ERLIN1: variants seen among roughly 807,000 people sequenced by gnomAD.
ERLIN1 encodes the protein erlin-1.
Under a neutral mutation model 46.9 loss-of-function variants are expected in ERLIN1, and 24 were observed. The ratio of observed to expected loss-of-function variants is 0.51; its 90% confidence interval spans 0.37 to 0.72. The LOEUF is 0.72. Ranked by LOEUF, ERLIN1 falls within the 30% of genes least tolerant of loss-of-function variation. The probability of loss-of-function intolerance (pLI) is 0.00; values close to 1 mark genes in which losing one functional copy is unlikely to be tolerated. For synonymous variants in ERLIN1, 158 were observed against 143.2 expected (o/e 1.10, Z -0.74); for missense variants, 293 against 417.9 (o/e 0.70, Z 2.61).
At chr10:100,160,763 A>G (rs1450351401) in intron 8 of ERLIN1, among the ~76,000 whole-genome samples, 1 of 152,182 alleles carries the variant, frequency 6.6e-6, no homozygotes, top group Non-Finnish European at 1.5e-5. Flanking sequence ...CCTGGGCAAC[A>G]TGGTGAAACC....
At chr10:100,174,048 G>C (rs1435125749) in intron 6 of ERLIN1, among the ~76,000 whole-genome samples, 160 bp downstream of exon 6, 1 of 152,146 alleles carries the variant, frequency 6.6e-6, no homozygotes, top group Non-Finnish European at 1.5e-5. Context: ...AGCTACAAGA[G>C]TATTTTATTT....
intron 2 of ERLIN1, among the ~76,000 whole-genome samples, chr10:100,182,857 T>C (rs549079150): frequency 6.6e-6 from 1 of 152,194 alleles, no homozygotes; most frequent in Admixed American, 6.5e-5. Context: ...AAGGAAAGAA[T>C]GGGTAAAATA....
At position 100,185,708 on chromosome 10, in the gene ERLIN1, C is replaced by T; in HGVS notation, c.-82G>A. On this transcript the variant is annotated 5_prime_UTR_variant, in exon 1 of 11. Transcript: ENST00000421367. ...CACCCCCTCCAGTTTCTACCCTCTC[C>T]CTCCGGAAACTTGGCGCTCTCTCGC... is the stretch of plus-strand genomic sequence containing the variant. The T allele has an allele frequency of 8.7e-7, 1 of 1,143,236 alleles. No individual in the cohort carries two copies. Among genetic ancestry groups the T allele is most frequent in the Admixed American group, 1.8e-5 (1 of 56,140 alleles). 70.8% of individuals were successfully genotyped at this position (1,143,236 alleles called of 1,614,324 possible).
At chr10:100,159,778 G>T (rs1843260857) in intron 8 of ERLIN1, among the ~76,000 whole-genome samples, 1 of 149,138 alleles carries the variant, frequency 6.7e-6, no homozygotes. Flanking sequence ...GCAATCCTTA[G>T]AAGAAAATTT....
chr10:100,177,412 C>A (rs896573414), intron 4 of ERLIN1, among the ~76,000 whole-genome samples: 1 of 152,158 alleles, frequency 6.6e-6, no homozygotes, highest in Non-Finnish European at 1.5e-5. Flanking sequence ...ACTATTTGTG[C>A]CTGTACCGGT....
At chr10:100,161,273 A>C (rs1281128933) in intron 8 of ERLIN1, among the ~76,000 whole-genome samples, 1 of 152,220 alleles carries the variant, frequency 6.6e-6, no homozygotes, top group Non-Finnish European at 1.5e-5. Context: ...CATCTTCAGC[A>C]ATATTGCTAA....
intron 8 of ERLIN1, among the ~76,000 whole-genome samples, chr10:100,160,808 G>A (rs1312241610): frequency 6.6e-6 from 1 of 152,162 alleles, no homozygotes; most frequent in East Asian, 1.9e-4. Flanking sequence ...TTACCTGGGT[G>A]TGGTGGCGTG....
rs1844930843 is a variant in ERLIN1, at chr10:100,185,704, T to A, written c.-78A>T. 1 of 1,194,726 alleles carries A rather than the reference T, an allele frequency of 8.4e-7. No homozygotes were observed. The highest frequency in any genetic ancestry group is 1.3e-5 in the South Asian group (1 of 78,798). 74.0% of individuals were successfully genotyped at this position (1,194,726 alleles called of 1,614,324 possible). On this transcript the variant is annotated 5_prime_UTR_variant, in exon 1 of 11. Transcript: ENST00000421367. ...GGTCCACCCCCTCCAGTTTCTACCC[T>A]CTCCCTCCGGAAACTTGGCGCTCTC...
intron 10 of ERLIN1, among the ~76,000 whole-genome samples, chr10:100,153,093 T>G (rs1842892295): frequency 6.6e-6 from 1 of 152,252 alleles, no homozygotes; most frequent in Non-Finnish European, 1.5e-5. Flanking sequence ...GCTCATTATC[T>G]TATCATTAGC....
intron 2 of ERLIN1, among the ~76,000 whole-genome samples, chr10:100,182,060 CCAAA>C (rs1232175193): frequency 3.9e-5 from 6 of 152,048 alleles, no homozygotes; most frequent in Admixed American, 6.5e-5. Context: ...CAATTAAACT[CCAAA>C]ATCTGTTTAC....
At chr10:100,170,539 GA>G (rs1843929949) in intron 6 of ERLIN1, among the ~76,000 whole-genome samples, 1 of 152,192 alleles carries the variant, frequency 6.6e-6, no homozygotes, top group South Asian at 2.1e-4. Flanking sequence ...AGGTAAAAGT[GA>G]AAGTGGGGAA....
intron 6 of ERLIN1, among the ~76,000 whole-genome samples, chr10:100,172,174 T>C (rs1844039512): frequency 1.3e-5 from 2 of 152,200 alleles, no homozygotes; most frequent in Non-Finnish European, 2.9e-5. Context: ...AATATAACCA[T>C]TAAAAGTAAT....
chr10:100,167,095 AAT>A (rs1255103112), intron 7 of ERLIN1, among the ~76,000 whole-genome samples: 2 of 152,364 alleles, frequency 1.3e-5, no homozygotes, highest in South Asian at 2.1e-4. Context: ...AGCTTCCAGC[AAT>A]AGTTTTACAG....
At chr10:100,182,662 A>T (rs1029730237) in intron 2 of ERLIN1, among the ~76,000 whole-genome samples, 1 of 152,252 alleles carries the variant, frequency 6.6e-6, no homozygotes, top group South Asian at 2.1e-4. Flanking sequence ...AAAACTTAGC[A>T]AACAATGCAA....
intron 2 of ERLIN1, among the ~76,000 whole-genome samples, chr10:100,179,813 A>G (rs1203954014): frequency 6.6e-6 from 1 of 152,162 alleles, no homozygotes. Flanking sequence ...CAGTCTGCTA[A>G]TAAGTAGAAA....
Position 100,150,191 on chromosome 10 carries a change from G to T in ERLIN1, c.*1940C>A, listed in dbSNP as rs768601792. The T allele has an allele frequency of 2.0e-5, 3 of 152,260 alleles. No homozygotes were observed. Among genetic ancestry groups the T allele is most frequent in the Non-Finnish European group, 4.4e-5 (3 of 68,018 alleles). The allele number at this position is 152,260 out of a possible 1,614,324, so 9.4% of individuals were successfully genotyped here. ...AGATTACAGTGTATATTTGCCAAAAGGAACACCCCGAAAGACGGCCAGCCT... is the reference window on the plus strand; with the variant it reads ...AGATTACAGTGTATATTTGCCAAAATGAACACCCCGAAAGACGGCCAGCCT... On this transcript the variant is annotated 3_prime_UTR_variant, in exon 11 of 11. Coordinates refer to ENST00000421367, the MANE Select transcript of ERLIN1 (RefSeq NM_006459.4).
chr10:100,155,909 C>A (rs1449721603), intron 9 of ERLIN1, among the ~76,000 whole-genome samples: 2 of 151,958 alleles, frequency 1.3e-5, no homozygotes, highest in East Asian at 1.9e-4. Flanking sequence ...GCTAATAAGC[C>A]CCAATTTAAG....
chr10:100,159,052 A>C (rs1165996876), intron 8 of ERLIN1, among the ~76,000 whole-genome samples: 2 of 152,210 alleles, frequency 1.3e-5, no homozygotes, highest in African/African-American at 4.8e-5. Flanking sequence ...TACAAGAGAC[A>C]CACCTAAAAC....
Position 100,179,214 on chromosome 10 carries a change from G to A in ERLIN1, c.229C>T (p.Pro77Ser). The A allele has an allele frequency of 1.9e-6, 3 of 1,595,832 alleles. No individual in the cohort carries two copies. Among genetic ancestry groups the A allele is most frequent in the Non-Finnish European group, 8.5e-7 (1 of 1,170,376 alleles). ...TLQTDEVKNV[P>S]CGTSGGVMIY... ...GAGAAAGCTTACCTTGTTCCACAAG[G>A]CACATTTTTAACTTCATCAGTTTGT... The change falls in exon 3 of 11, where the codon CCT (proline) becomes TCT (serine). Residue 77 changes from proline to serine, a missense_variant. Transcript: ENST00000421367.
Sources: allele counts gnomAD v4.1 joint callset (sites outside exome capture counted in the v4.1 genomes callset), GRCh38; gene constraint gnomAD v4.1.1; transcripts MANE v1.5; gene names NCBI Gene and HGNC (gene_info 2026-07-23, HGNC 2026-07-21).